Variants in PCDHGA1 observed in about 807,000 individuals in gnomAD.
The protein encoded by PCDHGA1 is protocadherin gamma subfamily A, 1.
In PCDHGA1, 32 loss-of-function variants were observed where a neutral mutation model predicts 58.0. The ratio of observed to expected loss-of-function variants is 0.55; its 90% CI spans 0.42 to 0.74. The LOEUF is 0.74. Among genes scored for constraint, PCDHGA1 ranks in the 30% least tolerant of loss-of-function variants. The pLI is 0.00. For synonymous variants in PCDHGA1, 498 were observed against 501.1 expected, an observed-to-expected ratio of 0.99 and a Z score of 0.08; for missense variants, 1,205 against 1,182.3, an observed-to-expected ratio of 1.02 and a Z score of -0.28.
At chr5:141,415,420 G>A in intron 1 of PCDHGA1, 2 of 1,614,226 alleles carry the variant, frequency 1.2e-6, no homozygotes, top group Non-Finnish European at 1.7e-6. Flanking sequence ...GGGCGTGGAC[G>A]GGGTTCGGGC....
chr5:141,410,158 G>T (rs755466762), intron 1 of PCDHGA1: 2 of 1,613,516 alleles, frequency 1.2e-6, no homozygotes, highest in Non-Finnish European at 8.5e-7. Context: ...GTGGACAGCC[G>T]CCACTCTCTG....
At chr5:141,413,132 A>G in intron 1 of PCDHGA1, 1 of 1,542,144 alleles carries the variant, frequency 6.5e-7, no homozygotes, top group Non-Finnish European at 8.7e-7. Context: ...GAAACACACA[A>G]CGTGTCCAGT....
intron 1 of PCDHGA1, chr5:141,365,015 C>T (rs773470378): frequency 1.2e-6 from 2 of 1,613,786 alleles, no homozygotes; most frequent in Admixed American, 3.3e-5. Context: ...CACGCACATC[C>T]GTGTTACGGT....
intron 3 of PCDHGA1, among the ~76,000 whole-genome samples, chr5:141,509,952 C>T (rs954730777): frequency 7.2e-5 from 11 of 152,186 alleles, no homozygotes; most frequent in African/African-American, 2.2e-4. Flanking sequence ...CAAATGCTAC[C>T]GGGTATGGCC....
intron 1 of PCDHGA1, chr5:141,398,475 T>C (rs1201280028): frequency 2.0e-5 from 32 of 1,607,296 alleles, no homozygotes; most frequent in Admixed American, 1.7e-4. Flanking sequence ...CACTGAACTT[T>C]TATCACGTGA....
chr5:141,330,583 T>C lies in PCDHGA1; in HGVS notation c.-102T>C. The C allele has an allele frequency of 7.9e-7, 1 of 1,271,570 alleles. No individual in the cohort carries two copies. The highest frequency in any genetic ancestry group is 1.5e-5 in the African/African-American group (1 of 66,988). 78.8% of individuals were successfully genotyped at this position (1,271,570 alleles called of 1,614,324 possible). A position where few individuals can be genotyped will look rare whatever the true frequency, so the allele number is the denominator to read the frequency against. ...CCTAAATCCTACTTCTGGATGACTC[T>C]CCAGTCAGAATTCTCCTGAAAATTG... On this transcript the variant is annotated 5_prime_UTR_variant, in exon 1 of 4. Transcript: ENST00000517417.
intron 1 of PCDHGA1, chr5:141,388,772 C>T (rs747075769): frequency 1.2e-6 from 2 of 1,613,798 alleles, no homozygotes; most frequent in Non-Finnish European, 1.7e-6. Flanking sequence ...ACTCTAACAC[C>T]GGGGAAATTA....
At chr5:141,423,042 G>A in intron 1 of PCDHGA1, 1 of 1,614,220 alleles carries the variant, frequency 6.2e-7, no homozygotes, top group Non-Finnish European at 8.5e-7. Context: ...ACGCCTGGCT[G>A]TCCTATCGCC....
chr5:141,491,932 G>A lies in PCDHGA1; in HGVS notation c.2422-2875G>A. Reference sequence around the variant, plus strand: ...GGCGACTGTGGGCGAGGGGAGGTGGGACCGACCCCCACCCCTACACTCAAA... The same window carrying A: ...GGCGACTGTGGGCGAGGGGAGGTGGAACCGACCCCCACCCCTACACTCAAA... On this transcript the variant is annotated intron_variant, in intron 1 of 3. Transcript: ENST00000517417. This position sits in a 1 kb window ranked among gnomAD's most constrained non-coding sequence, Gnocchi z 6.9. 1 of 1,259,014 alleles carries A rather than the reference G, an allele frequency of 7.9e-7. No homozygotes were observed. The highest frequency in any genetic ancestry group is 1.1e-6 in the Non-Finnish European group (1 of 926,048). The allele number at this position is 1,259,014 out of a possible 1,614,324, so 78.0% of individuals were successfully genotyped here. A position where few individuals can be genotyped will look rare whatever the true frequency, so the allele number is the denominator to read the frequency against.
At chr5:141,400,214 C>T in intron 1 of PCDHGA1, 1 of 1,614,042 alleles carries the variant, frequency 6.2e-7, no homozygotes, top group Non-Finnish European at 8.5e-7. Context: ...GCCTTGATCT[C>T]AGTGCTCTTC....
intron 1 of PCDHGA1, chr5:141,426,765 G>A (rs1343961009): frequency 1.8e-5 from 8 of 456,530 alleles, no homozygotes; most frequent in Non-Finnish European, 3.5e-5. Flanking sequence ...AGATGCAGAT[G>A]TAGGGCCTCA....
chr5:141,389,211 G>A, intron 1 of PCDHGA1: 2 of 1,614,058 alleles, frequency 1.2e-6, no homozygotes, highest in South Asian at 2.2e-5. Flanking sequence ...CATTGGTGAT[G>A]TAAATGACAA....
intron 1 of PCDHGA1, chr5:141,350,546 A>C (rs886105437): frequency 2.5e-6 from 4 of 1,613,906 alleles, no homozygotes; most frequent in Admixed American, 1.7e-5. Flanking sequence ...TTGCGGAAGG[A>C]AACTTGAGTG....
chr5:141,359,669 G>A (rs1417596414), intron 1 of PCDHGA1, among the ~76,000 whole-genome samples: 1 of 151,966 alleles, frequency 6.6e-6, no homozygotes, highest in Non-Finnish European at 1.5e-5. Flanking sequence ...ATAAAAATCC[G>A]TTGCCCTATA....
At position 141,510,993 on chromosome 5, in the gene PCDHGA1, G is replaced by A. The variant is rs1457918073; in HGVS notation, c.2616G>A (p.Met872Ile). The A allele has an allele frequency of 4.3e-6, 7 of 1,614,046 alleles. No homozygotes were observed. Among genetic ancestry groups the A allele is most frequent in the African/African-American group, 1.3e-5 (1 of 74,906 alleles). ...CCCTGGGAGGGGGTGCCGGCACCAT[G>A]GGATTGAGCGCCCGCTACGGACCCC... ...SSTLGGGAGT[M>I]GLSARYGPQF... The change falls in exon 4 of 4, where the codon ATG (methionine) becomes ATA (isoleucine). Residue 872 changes from methionine to isoleucine, a missense_variant. Transcript: ENST00000517417.
intron 1 of PCDHGA1, chr5:141,415,500 C>G (rs754684999): frequency 6.2e-6 from 10 of 1,614,074 alleles, no homozygotes; most frequent in Non-Finnish European, 8.5e-6. Context: ...TGATCTTCCC[C>G]CAGCCCAATT....
intron 1 of PCDHGA1, chr5:141,394,115 T>G: frequency 2.5e-6 from 4 of 1,613,954 alleles, no homozygotes; most frequent in Non-Finnish European, 3.4e-6. Flanking sequence ...CTCTGTCCAC[T>G]GAAACTCAAA....
chr5:141,508,799 C>T (rs962590711), intron 3 of PCDHGA1, among the ~76,000 whole-genome samples: 1 of 152,110 alleles, frequency 6.6e-6, no homozygotes, highest in Non-Finnish European at 1.5e-5. Context: ...ACTCTGGAAT[C>T]CTGGCTCTTT....
rs1756530134 is a variant in PCDHGA1, at chr5:141,334,734, A to T, written c.2421+1629A>T. 6.6e-6 allele frequency: 1 copy of T among 152,170 alleles called. No individual in the cohort carries two copies. Among genetic ancestry groups the T allele is most frequent in the African/African-American group, 2.4e-5 (1 of 41,448 alleles). The allele number at this position is 152,170 out of a possible 1,614,324, so 9.4% of individuals were successfully genotyped here. On this transcript the variant is annotated intron_variant, in intron 1 of 3. Coordinates refer to ENST00000517417, the MANE Select transcript of PCDHGA1 (RefSeq NM_018912.3). This position sits in a 1 kb window ranked among gnomAD's most constrained non-coding sequence, Gnocchi z 4.6. ...AGAGACAGCGAACACCAAGTATCTC[A>T]TATGTGAGCTGTGGTATCCAGAATA...
Sources: gnomAD v4.1 joint callset for allele counts (sites outside exome capture counted in the v4.1 genomes callset) on GRCh38, gnomAD v4.1.1 for gene constraint, Gnocchi (gnomAD v3.1) non-coding constraint, MANE v1.5 for transcripts, NCBI Gene and HGNC (gene_info 2026-07-23, HGNC 2026-07-21) for gene names.